The following CASP10 variants were observed in gnomAD, a reference collection of about 807,000 sequenced individuals.
The protein encoded by CASP10 is caspase 10.
CASP10 carries 41 observed loss-of-function variants against 48.5 expected under a neutral mutation model. The ratio of observed to expected loss-of-function variants is 0.85; its 90% CI spans 0.66 to 1.10. The LOEUF (loss-of-function observed/expected upper bound fraction) is 1.10, where lower values mean the gene tolerates loss of function less well. Ranked by LOEUF, CASP10 falls within the 50% of genes least tolerant of loss-of-function variation. The pLI is 0.00. For synonymous variants in CASP10, 232 were observed against 238.4 expected (o/e 0.97, Z 0.25); for missense variants, 614 against 614.5 (o/e 1.00, Z 0.01).
chr2:201,217,753 T>C lies in CASP10; in HGVS notation c.*12T>C, dbSNP rs375389117. ...CACTTTCATTATAGCAGAGAGTTTT[T>C]GTTGGTTCTTAGACCTCAAACGAAT... On this transcript the variant is annotated 3_prime_UTR_variant, in exon 10 of 10. Transcript: ENST00000286186. The C allele has an allele frequency of 1.7e-5, 28 of 1,613,702 alleles. No homozygotes were observed. The African/African-American group carries it at 3.5e-4, about 20-fold the overall frequency.
downstream of CASP10, among the ~76,000 whole-genome samples, chr2:201,222,218 TTC>T (rs1210343212): frequency 7.9e-6 from 1 of 126,202 alleles, no homozygotes; most frequent in Non-Finnish European, 1.9e-5. Flanking sequence ...CTTTTATTCA[TTC>T]TTTTTTTTTT....
chr2:201,219,662 A>G lies in CASP10; in HGVS notation c.*1921A>G, dbSNP rs979605217. 7.2e-6 allele frequency: 7 copies of G among 976,032 alleles called. No individual in the cohort carries two copies. Among genetic ancestry groups the G allele is most frequent in the Non-Finnish European group, 7.3e-6 (6 of 826,006 alleles). The allele number at this position is 976,032 out of a possible 1,614,324, so 60.5% of individuals were successfully genotyped here. On this transcript the variant is annotated 3_prime_UTR_variant, in exon 10 of 10. Coordinates refer to ENST00000286186, the MANE Select transcript of CASP10 (RefSeq NM_032977.4). ...GGAGTGGCTCTGTAAGGACGCCTTG[A>G]TGCTTTCTTCATTAAGATTTTGAGC...
chr2:201,191,923 T>G (rs940551881), intron 3 of CASP10, among the ~76,000 whole-genome samples: 2 of 152,252 alleles, frequency 1.3e-5, no homozygotes, highest in African/African-American at 4.8e-5. Context: ...AGATGTTTGC[T>G]GCTAGTATTT....
intron 9 of CASP10, among the ~76,000 whole-genome samples, chr2:201,216,987 C>T (rs1319616515): frequency 1.3e-5 from 2 of 152,218 alleles, no homozygotes; most frequent in Non-Finnish European, 2.9e-5. Context: ...TCTGAACTTG[C>T]AGTGGAACCT....
In CASP10 at chr2:201,195,885, G is replaced by A. The variant is rs776912309; in HGVS notation, c.621G>A (p.Ser207=). The A allele has an allele frequency of 2.3e-5, 37 of 1,613,788 alleles. No homozygotes were observed. The highest frequency in any genetic ancestry group is 6.7e-5 in the Admixed American group (4 of 59,994). The change falls in exon 5 of 10, where the codon TCG becomes TCA. Residue 207 remains serine (S), a synonymous_variant. Transcript: ENST00000286186. ...VTPPVDKEAE[S]YQGEEELVSQ... is the part of the protein sequence containing the mutation. ...CTCCTGTAGACAAGGAAGCCGAGTCGTATCAAGGAGAGGAAGAACTAGTTT... is the reference window on the plus strand; with the variant it reads ...CTCCTGTAGACAAGGAAGCCGAGTCATATCAAGGAGAGGAAGAACTAGTTT...
At chr2:201,208,997 T>C in intron 8 of CASP10, 73 bp from the exon 9 acceptor site, 3 of 1,535,206 alleles carry the variant, frequency 2.0e-6, no homozygotes, top group Non-Finnish European at 2.7e-6. Context: ...TTCTTCATTT[T>C]GTTTTGCATC....
At chr2:201,195,631 C>G (rs919563091) in intron 4 of CASP10, among the ~76,000 whole-genome samples, 6 of 152,030 alleles carry the variant, frequency 3.9e-5, no homozygotes, top group Non-Finnish European at 1.5e-5. Context: ...TAAGGACCAC[C>G]TGGCTAACTT....
At chr2:201,223,336 C>A (rs1208609194), downstream of CASP10, among the ~76,000 whole-genome samples, 1 of 152,188 alleles carries the variant, frequency 6.6e-6, no homozygotes, top group East Asian at 1.9e-4. Context: ...ACCCTTCTAG[C>A]AGAGGGAACT....
intron 5 of CASP10, among the ~76,000 whole-genome samples, chr2:201,200,198 A>G (rs1576103282): frequency 1.3e-5 from 2 of 152,288 alleles, no homozygotes; most frequent in South Asian, 2.1e-4. Context: ...AATTTTATAT[A>G]GTTACTATTT....
intron 1 of CASP10, 22 bp from the exon 2 acceptor site, chr2:201,185,749 C>A: frequency 6.6e-7 from 1 of 1,518,844 alleles, no homozygotes; most frequent in Non-Finnish European, 9.1e-7. Flanking sequence ...AACTCCCTGC[C>A]CCACCTCTCT....
At chr2:201,206,079 G>C in intron 7 of CASP10, 106 bp downstream of exon 7, 1 of 689,562 alleles carries the variant, frequency 1.5e-6, no homozygotes, top group Non-Finnish European at 2.5e-6. Flanking sequence ...TCCAGCCTTC[G>C]ATGATTTTAA....
At chr2:201,226,604 C>T (rs555973604), downstream of CASP10, among the ~76,000 whole-genome samples, 10 of 152,124 alleles carry the variant, frequency 6.6e-5, no homozygotes, top group African/African-American at 1.2e-4. Context: ...TGAGCCACCA[C>T]GCCTGGCCCC....
rs1945715888 is a variant in CASP10 at position 201,221,374 on chromosome 2, G to C, written c.*3633G>C. The C allele has an allele frequency of 7.4e-6, 5 of 675,042 alleles. No homozygotes were observed. The highest frequency in any genetic ancestry group is 9.1e-6 in the Non-Finnish European group (5 of 546,570). The allele number at this position is 675,042 out of a possible 1,614,324, so 41.8% of individuals were successfully genotyped here. ...CTGCACATATATATCCAGATGGCCT[G>C]AAGTAACTGAAGAATCACAAAAGAA... On this transcript the variant is annotated 3_prime_UTR_variant, in exon 10 of 10. Coordinates refer to ENST00000286186, the MANE Select transcript of CASP10 (RefSeq NM_032977.4).
intron 8 of CASP10, 23 bp downstream of exon 8, chr2:201,208,206 A>C (rs373189673): frequency 6.3e-7 from 1 of 1,587,438 alleles, no homozygotes; most frequent in South Asian, 1.2e-5. Flanking sequence ...GGAACAGTTT[A>C]TCAAATGCAA....
rs559620488 is a variant in CASP10, at chr2:201,202,432, G to C, written c.685-1298G>C. ...ACCTTAAAGCTTTTTTCTAGTCCCT[G>C]TTCTGGCTGACTTTATCAGCCAAGG... On this transcript the variant is annotated intron_variant, in intron 5 of 9. Coordinates refer to ENST00000286186, the MANE Select transcript of CASP10 (RefSeq NM_032977.4). Among the ~76,000 whole-genome samples the C allele has an allele frequency of 5.2e-4, 79 of 152,266 alleles. 1 individual carries two copies. The highest frequency in any genetic ancestry group is 1.8e-3 in the African/African-American group (73 of 41,566).
In CASP10 at chr2:201,217,625, G is replaced by A. The variant is rs758187673; in HGVS notation, c.1453G>A (p.Asp485Asn). The A allele has an allele frequency of 6.2e-6, 10 of 1,613,980 alleles. No individual in the cohort carries two copies. The highest frequency in any genetic ancestry group is 5.0e-5 in the Admixed American group (3 of 59,994). ...DILSILTAVN[D>N]DVSRRVDKQG... ...CTTATCCATCCTCACTGCTGTCAAC[G>A]ATGATGTGAGTCGAAGAGTGGACAA... The change falls in exon 10 of 10, where the codon GAT becomes AAT. Residue 485 changes from aspartate to asparagine, a missense_variant. By Grantham distance (23) the Asp-to-Asn change is conservative. Transcript: ENST00000286186.
chr2:201,188,571 G>A (rs1944495427), intron 3 of CASP10, among the ~76,000 whole-genome samples: 1 of 152,242 alleles, frequency 6.6e-6, no homozygotes, highest in East Asian at 1.9e-4. Flanking sequence ...AAATGTATCT[G>A]TTGAAGAATC....
At position 201,218,377 on chromosome 2, in the gene CASP10, A is replaced by G; in HGVS notation, c.*636A>G. 1 of 959,086 alleles carries G rather than the reference A, an allele frequency of 1.0e-6. No homozygotes were observed. The highest frequency in any genetic ancestry group is 1.2e-6 in the Non-Finnish European group (1 of 805,576). 59.4% of individuals were successfully genotyped at this position (959,086 alleles called of 1,614,324 possible). ...GAGTGCAGTGGTGGGATCACTGTTCACTGCAGCCTTGACCTCCCAGGTTCA... is the reference window on the plus strand; with the variant it reads ...GAGTGCAGTGGTGGGATCACTGTTCGCTGCAGCCTTGACCTCCCAGGTTCA... On this transcript the variant is annotated 3_prime_UTR_variant, in exon 10 of 10. Transcript: ENST00000286186.
rs1392663108 is a variant in CASP10, at chr2:201,221,335, A to T, written c.*3594A>T. The T allele has an allele frequency of 1.0e-6, 1 of 969,268 alleles. No individual in the cohort carries two copies. The highest frequency in any genetic ancestry group is 1.2e-6 in the Non-Finnish European group (1 of 815,072). 60.0% of individuals were successfully genotyped at this position (969,268 alleles called of 1,614,324 possible). On this transcript the variant is annotated 3_prime_UTR_variant, in exon 10 of 10. Coordinates refer to ENST00000286186, the MANE Select transcript of CASP10 (RefSeq NM_032977.4). The stretch of plus-strand genomic sequence containing the variant: ...GCCTCTGAGCCCAAGCTAAGCCATC[A>T]TATCCCTTGTGACCTGCACATATAT...
Sources: gnomAD v4.1 joint callset for allele counts (sites outside exome capture counted in the v4.1 genomes callset) on GRCh38, gnomAD v4.1.1 for gene constraint, MANE v1.5 for transcripts, NCBI Gene and HGNC (gene_info 2026-07-23, HGNC 2026-07-21) for gene names.